Variants in PTCHD4 observed in about 807,000 individuals in gnomAD.
PTCHD4 encodes the protein patched domain containing 4.
Under a neutral mutation model 58.1 loss-of-function variants are expected in PTCHD4, and 33 were observed. The ratio of observed to expected loss-of-function variants is 0.57; its 90% CI spans 0.43 to 0.76. The LOEUF (loss-of-function observed/expected upper bound fraction) is 0.76, where lower values mean the gene tolerates loss of function less well. PTCHD4 is among the 30% of genes least tolerant of loss of function. PTCHD4 has a pLI of 0.00. For missense variants in PTCHD4, 1,058 were observed against 1,027.1 expected, an observed-to-expected ratio of 1.03 and a Z score of -0.41; for synonymous variants, 478 against 409.6, an observed-to-expected ratio of 1.17 and a Z score of -2.02.
chr6:47,918,248 G>T (rs1287756373), intron 4 of PTCHD4, among the ~76,000 whole-genome samples: 1 of 151,914 alleles, frequency 6.6e-6, no homozygotes. Flanking sequence ...AACAAGAATA[G>T]CTAAATCAAT....
chr6:47,892,452 AG>A, intron 4 of PTCHD4, among the ~76,000 whole-genome samples: 1 of 152,334 alleles, frequency 6.6e-6, no homozygotes, highest in Non-Finnish European at 1.5e-5. Flanking sequence ...ATCACTTTAA[AG>A]TTTAATAACT....
chr6:48,058,333 A>G (rs1764489320), intron 3 of PTCHD4, among the ~76,000 whole-genome samples: 1 of 152,250 alleles, frequency 6.6e-6, no homozygotes. Flanking sequence ...TGGTCCAAGG[A>G]CTACACTTTG....
intron 3 of PTCHD4, among the ~76,000 whole-genome samples, chr6:48,064,366 C>T (rs1465825373): frequency 5.3e-5 from 8 of 152,126 alleles, no homozygotes; most frequent in Admixed American, 5.2e-4. Flanking sequence ...CCTGTAAACA[C>T]CTGACCTCCT....
At chr6:47,886,902 T>A (rs1220982115) in intron 4 of PTCHD4, among the ~76,000 whole-genome samples, 1 of 152,176 alleles carries the variant, frequency 6.6e-6, no homozygotes, top group Non-Finnish European at 1.5e-5. Flanking sequence ...AACTTAGACA[T>A]CTCTGCCCTG....
chr6:47,903,395 T>C (rs191394057), intron 4 of PTCHD4, among the ~76,000 whole-genome samples: 85 of 152,228 alleles, frequency 5.6e-4, no homozygotes, highest in African/African-American at 2.0e-3. Flanking sequence ...CAGTTCACTG[T>C]AGCCTCAACC....
intron 4 of PTCHD4, among the ~76,000 whole-genome samples, chr6:47,990,448 TG>T (rs1768238101): frequency 6.6e-6 from 1 of 152,182 alleles, no homozygotes; most frequent in South Asian, 2.1e-4. Context: ...CCACATGTTG[TG>T]GGAGGGACCC....
intron 4 of PTCHD4, among the ~76,000 whole-genome samples, chr6:47,880,550 G>T (rs980365811): frequency 6.6e-6 from 1 of 151,806 alleles, no homozygotes; most frequent in Admixed American, 6.6e-5. Context: ...AATCTGCCAC[G>T]TCACATAAAA....
intron 3 of PTCHD4, among the ~76,000 whole-genome samples, chr6:48,058,793 C>T (rs924610216): frequency 1.3e-5 from 2 of 152,260 alleles, no homozygotes; most frequent in Admixed American, 6.5e-5. Context: ...TTTAACTGTC[C>T]TTAGCAAAGA....
At chr6:48,031,038 CAA>C (rs1310648304) in intron 3 of PTCHD4, among the ~76,000 whole-genome samples, 5 of 152,208 alleles carry the variant, frequency 3.3e-5, no homozygotes, top group Non-Finnish European at 7.4e-5. Context: ...GCGAAACTGA[CAA>C]AGATTCTTTG....
intron 1 of PTCHD4, among the ~76,000 whole-genome samples, chr6:48,075,715 A>C (rs1765052690): frequency 6.6e-6 from 1 of 152,218 alleles, no homozygotes; most frequent in Admixed American, 6.5e-5. Context: ...GTTAGTTGTC[A>C]ATAGCATTAC....
chr6:48,091,448 C>T (rs1383567428), intron 1 of PTCHD4, among the ~76,000 whole-genome samples: 1 of 152,074 alleles, frequency 6.6e-6, no homozygotes, highest in African/African-American at 2.4e-5. Context: ...ATTAGAATTT[C>T]TTCAGGTAAT....
At position 47,863,492 on chromosome 6, in the gene PTCHD4, G is replaced by T. The variant is rs1763482195; in HGVS notation, c.*14811C>A. Among the ~76,000 whole-genome samples the T allele has an allele frequency of 6.6e-6, 1 of 151,800 alleles. No homozygotes were observed. On this transcript the variant is annotated 3_prime_UTR_variant, in exon 5 of 5. Coordinates refer to ENST00000339488, the MANE Select transcript of PTCHD4 (RefSeq NM_001384253.1). Reference sequence around the variant, plus strand: ...CCTGACACATACCCTACATTCTTAGGGTTGTGAGATTTAGCAAGTAAAAAT... The same window carrying T: ...CCTGACACATACCCTACATTCTTAGTGTTGTGAGATTTAGCAAGTAAAAAT...
chr6:47,905,734 G>A (rs1302682549), intron 4 of PTCHD4, among the ~76,000 whole-genome samples: 2 of 152,170 alleles, frequency 1.3e-5, no homozygotes, highest in African/African-American at 4.8e-5. Flanking sequence ...GGAAATACTG[G>A]GAGAATGCCC....
chr6:48,096,329 T>A (rs533406457), intron 1 of PTCHD4, among the ~76,000 whole-genome samples: 13 of 152,174 alleles, frequency 8.5e-5, no homozygotes, highest in Middle Eastern at 6.8e-3. Flanking sequence ...TCCTTGTGCA[T>A]GGCATGGCGT....
intron 4 of PTCHD4, among the ~76,000 whole-genome samples, chr6:47,906,324 T>C (rs1056965925): frequency 3.9e-5 from 6 of 152,254 alleles, no homozygotes; most frequent in African/African-American, 1.4e-4. Context: ...AATGTTTTCC[T>C]GCTGCTAGAG....
At chr6:47,925,477 C>T (rs1473157036) in intron 4 of PTCHD4, among the ~76,000 whole-genome samples, 1 of 152,120 alleles carries the variant, frequency 6.6e-6, no homozygotes, top group African/African-American at 2.4e-5. Context: ...TTTAATTGAC[C>T]ATAAAAGTTC....
chr6:48,032,423 C>CGTGTGTATGT (rs1763479839), intron 3 of PTCHD4, among the ~76,000 whole-genome samples: 2 of 151,038 alleles, frequency 1.3e-5, no homozygotes, highest in South Asian at 4.2e-4. Context: ...TCTGTGTATG[C>CGTGTGTATGT]GTGTGTGTGT....
intron 4 of PTCHD4, among the ~76,000 whole-genome samples, chr6:47,950,900 A>T (rs1218260688): frequency 2.6e-5 from 4 of 152,200 alleles, no homozygotes; most frequent in African/African-American, 9.6e-5. Flanking sequence ...AGGATTCTGG[A>T]GGTCAAATTA....
intron 3 of PTCHD4, among the ~76,000 whole-genome samples, chr6:48,031,456 C>G (rs1763436384): frequency 6.6e-6 from 1 of 152,064 alleles, no homozygotes; most frequent in Non-Finnish European, 1.5e-5. Flanking sequence ...TAGTGTCCCT[C>G]TGAGTAAAGA....
Sources: allele counts gnomAD v4.1 joint callset (sites outside exome capture counted in the v4.1 genomes callset), GRCh38; gene constraint gnomAD v4.1.1; transcripts MANE v1.5; gene names NCBI Gene and HGNC (gene_info 2026-07-23, HGNC 2026-07-21).